Variants in LRRC4C observed in about 807,000 individuals in gnomAD.
The protein encoded by LRRC4C is leucine rich repeat containing 4C, also known as leucine-rich repeat-containing protein 4C.
A neutral mutation model predicts 33.6 loss-of-function variants in LRRC4C; 5 were observed. The ratio of observed to expected loss-of-function variants is 0.15; its 90% CI spans 0.08 to 0.31. LRRC4C has a LOEUF of 0.31. Ranked by LOEUF, LRRC4C falls within the 10% of genes least tolerant of loss-of-function variation. The probability of loss-of-function intolerance (pLI) is 1.00; values close to 1 mark genes in which losing one functional copy is unlikely to be tolerated. For synonymous variants in LRRC4C, 329 were observed against 302.0 expected, an observed-to-expected ratio of 1.09 and a Z score of -0.93; for missense variants, 560 against 796.7, an observed-to-expected ratio of 0.70 and a Z score of 3.58.
chr11:40,733,061 G>GC (rs1947676300), intron 2 of LRRC4C, among the ~76,000 whole-genome samples: 1 of 57,602 alleles, frequency 1.7e-5, no homozygotes, highest in Non-Finnish European at 3.0e-5. Context: ...TATGAATATA[G>GC]TTTTTTTTTT....
At chr11:40,783,470 T>G (rs963214066) in intron 2 of LRRC4C, among the ~76,000 whole-genome samples, 1 of 151,562 alleles carries the variant, frequency 6.6e-6, no homozygotes, top group African/African-American at 2.4e-5. Context: ...TATTTGTTTC[T>G]TTTTTTATTT....
intron 2 of LRRC4C, among the ~76,000 whole-genome samples, chr11:40,841,859 T>C (rs1226220443): frequency 1.3e-5 from 2 of 152,244 alleles, no homozygotes; most frequent in African/African-American, 4.8e-5. Flanking sequence ...TGTTAGTGGC[T>C]AGCTGCCAAC....
At chr11:40,694,579 G>A (rs1410551727) in intron 2 of LRRC4C, among the ~76,000 whole-genome samples, 2 of 152,062 alleles carry the variant, frequency 1.3e-5, no homozygotes, top group Non-Finnish European at 2.9e-5. Context: ...GAGTTGTGGT[G>A]GTGCTGTTTT....
intron 2 of LRRC4C, among the ~76,000 whole-genome samples, chr11:40,900,025 T>G (rs1462666293): frequency 6.6e-6 from 1 of 152,180 alleles, no homozygotes; most frequent in African/African-American, 2.4e-5. Context: ...GATTTTTGCC[T>G]GAATTAAATT....
At position 41,269,159 on chromosome 11, in the gene LRRC4C, T is replaced by A. The variant is rs558677995; in HGVS notation, c.-496+190272A>T. On this transcript the variant is annotated intron_variant, in intron 1 of 6. Transcript: ENST00000528697. ...GATTCATCCAGAAGTGCTTTCAAAT[T>A]AATTGAGCCCAGAGACCATGATGCT... Among the ~76,000 whole-genome samples the A allele has an allele frequency of 4.6e-5, 7 of 152,230 alleles. No individual in the cohort carries two copies. The East Asian group carries it at 1.2e-3, about 25-fold the overall frequency.
intron 3 of LRRC4C, among the ~76,000 whole-genome samples, chr11:40,411,445 C>T (rs1950152129): frequency 6.6e-6 from 1 of 152,064 alleles, no homozygotes; most frequent in South Asian, 2.1e-4. Context: ...AATAATACCA[C>T]ATTTGCCTGA....
intron 1 of LRRC4C, among the ~76,000 whole-genome samples, chr11:41,201,091 C>T (rs1483859932): frequency 1.3e-5 from 2 of 152,152 alleles, no homozygotes; most frequent in Admixed American, 6.6e-5. Flanking sequence ...CTAAAAGAGA[C>T]TTCTCCCTCC....
intron 1 of LRRC4C, among the ~76,000 whole-genome samples, chr11:41,407,227 T>A (rs1954276259): frequency 6.6e-6 from 1 of 152,002 alleles, no homozygotes; most frequent in African/African-American, 2.4e-5. Flanking sequence ...CAACTTGTTT[T>A]AAAGGTCACT....
chr11:40,774,839 G>A (rs943698570), intron 2 of LRRC4C, among the ~76,000 whole-genome samples: 6 of 152,022 alleles, frequency 3.9e-5, no homozygotes, highest in Non-Finnish European at 8.8e-5. Context: ...TGTATCTACG[G>A]CTTTAATAGA....
At chr11:40,290,734 G>T (rs928549876) in intron 4 of LRRC4C, among the ~76,000 whole-genome samples, 56 of 151,898 alleles carry the variant, frequency 3.7e-4, no homozygotes, top group African/African-American at 1.3e-3. Flanking sequence ...TGGTATTCAA[G>T]CCAAGGTTAC....
At chr11:41,391,938 G>A (rs1953612850) in intron 1 of LRRC4C, among the ~76,000 whole-genome samples, 1 of 151,850 alleles carries the variant, frequency 6.6e-6, no homozygotes, top group African/African-American at 2.4e-5. Context: ...AGGAGAAGCA[G>A]GCATCACTGC....
chr11:40,238,350 C>T (rs962041048), intron 5 of LRRC4C, among the ~76,000 whole-genome samples: 17 of 152,166 alleles, frequency 1.1e-4, no homozygotes, highest in African/African-American at 4.1e-4. Flanking sequence ...CCCAAACCTG[C>T]TTTTCAATTG....
intron 1 of LRRC4C, among the ~76,000 whole-genome samples, chr11:40,995,079 G>T (rs981757750): frequency 2.6e-5 from 4 of 152,134 alleles, no homozygotes; most frequent in Non-Finnish European, 5.9e-5. Flanking sequence ...AAACATTCTA[G>T]AAACAACAAC....
intron 1 of LRRC4C, among the ~76,000 whole-genome samples, chr11:41,229,410 T>C (rs753973737): frequency 6.6e-6 from 1 of 152,100 alleles, no homozygotes; most frequent in Non-Finnish European, 1.5e-5. Flanking sequence ...TATTCTTTTG[T>C]GGCAGCCCAA....
intron 1 of LRRC4C, among the ~76,000 whole-genome samples, chr11:41,108,070 C>T (rs990320693): frequency 2.0e-5 from 3 of 151,952 alleles, no homozygotes; most frequent in Admixed American, 2.0e-4. Context: ...GGCAAATGCT[C>T]AACATAACAT....
intron 1 of LRRC4C, among the ~76,000 whole-genome samples, chr11:40,985,904 G>A (rs1852955760): frequency 6.6e-6 from 1 of 151,892 alleles, no homozygotes; most frequent in Non-Finnish European, 1.5e-5. Flanking sequence ...GAGTCAAGGG[G>A]TAAAACAGCA....
intron 1 of LRRC4C, among the ~76,000 whole-genome samples, chr11:41,208,410 C>T (rs746714117): frequency 6.6e-6 from 1 of 152,110 alleles, no homozygotes; most frequent in Non-Finnish European, 1.5e-5. Context: ...TAATTCTCTG[C>T]CTGTGCATGT....
At chr11:40,818,658 C>A (rs1406295908) in intron 2 of LRRC4C, among the ~76,000 whole-genome samples, 1 of 151,906 alleles carries the variant, frequency 6.6e-6, no homozygotes, top group Non-Finnish European at 1.5e-5. Context: ...ATATTCTATG[C>A]CTTCTCTTTT....
At chr11:41,172,297 T>C (rs541608681) in intron 1 of LRRC4C, among the ~76,000 whole-genome samples, 96 of 152,174 alleles carry the variant, frequency 6.3e-4, no homozygotes, top group African/African-American at 2.2e-3. Context: ...TCTTAAATTA[T>C]ATAGCCCTTA....
Sources: gnomAD v4.1 joint callset for allele counts (sites outside exome capture counted in the v4.1 genomes callset) on GRCh38, gnomAD v4.1.1 for gene constraint, MANE v1.5 for transcripts, NCBI Gene and HGNC (gene_info 2026-07-23, HGNC 2026-07-21) for gene names.